Variants in NUP93 observed in about 807,000 individuals in gnomAD.
The protein encoded by NUP93 is nuclear pore complex protein Nup93.
Under a neutral mutation model 107.8 loss-of-function variants are expected in NUP93, and 55 were observed. The observed-to-expected ratio is 0.51, with a 90% CI of 0.41 to 0.64. The LOEUF (loss-of-function observed/expected upper bound fraction) is 0.64. Ranked by LOEUF, NUP93 falls within the 30% of genes least tolerant of loss-of-function variation. The probability of loss-of-function intolerance (pLI) is 0.00; values close to 1 mark genes in which losing one functional copy is unlikely to be tolerated. For missense variants in NUP93, 937 were observed against 1,044.7 expected (o/e 0.90, Z 1.42); for synonymous variants, 390 against 397.5 (o/e 0.98, Z 0.22).
intron 7 of NUP93, among the ~76,000 whole-genome samples, chr16:56,822,562 T>C (rs376004398): frequency 2.6e-5 from 1 of 38,966 alleles, no homozygotes; most frequent in Admixed American, 3.8e-4. Flanking sequence ...TTCTTTTCTT[T>C]TCTTTTTTTT....
At chr16:56,838,294 C>A (rs1963953768) in intron 18 of NUP93, among the ~76,000 whole-genome samples, 1 of 152,198 alleles carries the variant, frequency 6.6e-6, no homozygotes, top group African/African-American at 2.4e-5. Context: ...AAAGAACATT[C>A]TTTGGTAAAT....
chr16:56,751,865 C>G (rs766804277), intron 2 of NUP93, among the ~76,000 whole-genome samples: 7 of 152,282 alleles, frequency 4.6e-5, no homozygotes, highest in Non-Finnish European at 7.4e-5. Flanking sequence ...GGCAGGGAAC[C>G]TTCCAAGGAT....
At chr16:56,775,137 G>A (rs1962394006) in intron 3 of NUP93, among the ~76,000 whole-genome samples, 1 of 152,048 alleles carries the variant, frequency 6.6e-6, no homozygotes, top group Admixed American at 6.6e-5. Flanking sequence ...CTGAGCTCAA[G>A]CGATCCACCT....
chr16:56,835,788 A>G (rs1963896520), intron 16 of NUP93, among the ~76,000 whole-genome samples: 1 of 152,012 alleles, frequency 6.6e-6, no homozygotes, highest in South Asian at 2.1e-4. Context: ...TGCTCTCCTG[A>G]CCATTTAGTT....
intron 6 of NUP93, among the ~76,000 whole-genome samples, chr16:56,820,740 A>C (rs1193191679): frequency 1.3e-5 from 2 of 152,334 alleles, no homozygotes; most frequent in South Asian, 4.1e-4. Context: ...ATGGGAGAGC[A>C]AAGACTTCAT....
intron 1 of NUP93, among the ~76,000 whole-genome samples, chr16:56,746,445 C>A (rs1242540151): frequency 6.6e-6 from 1 of 152,110 alleles, no homozygotes; most frequent in Non-Finnish European, 1.5e-5. Flanking sequence ...AAAAAAATTA[C>A]AATATTTGTT....
At chr16:56,836,207 TAGAA>T (rs1338512837) in intron 16 of NUP93, among the ~76,000 whole-genome samples, 4 of 152,178 alleles carry the variant, frequency 2.6e-5, no homozygotes, top group African/African-American at 9.6e-5. Flanking sequence ...CCATCTGTCT[TAGAA>T]AGCAAATCCA....
intron 5 of NUP93, among the ~76,000 whole-genome samples, chr16:56,806,847 T>C (rs1207018989): frequency 6.6e-6 from 1 of 152,172 alleles, no homozygotes; most frequent in African/African-American, 2.4e-5. Flanking sequence ...ATACAAGGGC[T>C]TGACTACCAG....
chr16:56,841,936 C>T (rs1211658695), intron 21 of NUP93, 103 bp downstream of exon 21: 12 of 1,384,766 alleles, frequency 8.7e-6, no homozygotes, highest in South Asian at 2.8e-5. Flanking sequence ...TGCTCTTTCT[C>T]CTCAGTACCT....
rs754276167 is a variant in NUP93, at chr16:56,833,268, T to C, written c.1399T>C (p.Phe467Leu). 2 of 1,607,302 alleles carry C rather than the reference T, an allele frequency of 1.2e-6. No individual in the cohort carries two copies. Among genetic ancestry groups the C allele is most frequent in the East Asian group, 4.5e-5 (2 of 44,438 alleles). Residue 467 changes from phenylalanine to leucine, a missense_variant, in exon 13 of 22, where the codon TTC (phenylalanine) becomes CTC (leucine). Physicochemically the swap from Phe to Leu is conservative, Grantham distance 22. Coordinates refer to ENST00000308159, the MANE Select transcript of NUP93 (RefSeq NM_014669.5). Reference sequence around the variant, plus strand: ...ACCCTTCCTCTACTTCCAAGTCCTGTTCCTGACAGCGCAGTTTGAAGCAGC... The same window carrying C: ...ACCCTTCCTCTACTTCCAAGTCCTGCTCCTGACAGCGCAGTTTGAAGCAGC... Reference protein sequence around the residue: ...QQPFLYFQVLFLTAQFEAAVA... With the variant: ...QQPFLYFQVLLLTAQFEAAVA...
rs747289514 is a variant in NUP93 at position 56,844,468 on chromosome 16, ATTTC to A, written c.2350-30_2350-27del. ...AGTGCCCTGACTCGAAAGTTAACCGATTTCCTTCCCTTCCTTCCCTTCTCTCTCA... is the reference window on the plus strand; with the variant it reads ...AGTGCCCTGACTCGAAAGTTAACCGACTTCCCTTCCTTCCCTTCTCTCTCA... On this transcript the variant is annotated intron_variant, in intron 21 of 21. Transcript: ENST00000308159. The A allele has an allele frequency of 2.6e-5, 34 of 1,331,964 alleles. No individual in the cohort carries two copies. The South Asian group carries it at 6.1e-4, about 24-fold the overall frequency. The allele number at this position is 1,331,964 out of a possible 1,614,324, so 82.5% of individuals were successfully genotyped here.
chr16:56,748,104 T>A (rs1479571047), intron 1 of NUP93, 130 bp from the exon 2 acceptor site: 1 of 575,808 alleles, frequency 1.7e-6, no homozygotes, highest in Non-Finnish European at 3.0e-6. Context: ...AAATCCTGCT[T>A]GTTGATGAGC....
intron 5 of NUP93, among the ~76,000 whole-genome samples, chr16:56,807,980 G>A (rs1267096910): frequency 3.4e-5 from 5 of 149,012 alleles, no homozygotes; most frequent in Admixed American, 6.8e-5. Context: ...CTGAGATCCC[G>A]CCACTGCACT....
chr16:56,770,786 G>A (rs551789400), intron 3 of NUP93, among the ~76,000 whole-genome samples: 8 of 152,216 alleles, frequency 5.3e-5, no homozygotes, highest in African/African-American at 7.2e-5. Flanking sequence ...CTCATAGGCC[G>A]GGCGCAGTAG....
rs186808617 is a variant in NUP93 at position 56,750,268 on chromosome 16, A to T, written c.179+1842A>T. 4.8e-3 allele frequency among the ~76,000 whole-genome samples: 728 copies of T among 152,266 alleles called. 4 individuals are homozygous for T. Among genetic ancestry groups the T allele is most frequent in the African/African-American group, 0.017 (702 of 41,536 alleles). On this transcript the variant is annotated intron_variant, in intron 2 of 21. Transcript: ENST00000308159. ...GGGTGGGGCAGGTGCTTAAAAAGAA[A>T]CCAAAGGGCTGATGACTGTGTTTTT...
At chr16:56,741,711 G>T (rs372619412) in intron 1 of NUP93, 1 of 152,242 alleles carries the variant, frequency 6.6e-6, no homozygotes, top group South Asian at 2.1e-4. Context: ...TACTTTCTCT[G>T]ATGTATATAA....
Position 56,847,325 on chromosome 16 carries a change from G to A in NUP93, c.*2716G>A, listed in dbSNP as rs1275525280. Reference sequence around the variant, plus strand: ...CCCAGAAGTCCTGACCCTGTGACAGGTTATTATCTTAAAAACTCATCTTCA... The same window carrying A: ...CCCAGAAGTCCTGACCCTGTGACAGATTATTATCTTAAAAACTCATCTTCA... On this transcript the variant is annotated 3_prime_UTR_variant, in exon 22 of 22. Coordinates refer to ENST00000308159, the MANE Select transcript of NUP93 (RefSeq NM_014669.5). 1 of 152,144 alleles carries A rather than the reference G, an allele frequency of 6.6e-6. No individual in the cohort carries two copies. The highest frequency in any genetic ancestry group is 2.4e-5 in the African/African-American group (1 of 41,430). The allele number at this position is 152,144 out of a possible 1,614,324, so 9.4% of individuals were successfully genotyped here.
At chr16:56,775,111 G>C (rs1306738325) in intron 3 of NUP93, among the ~76,000 whole-genome samples, 1 of 151,990 alleles carries the variant, frequency 6.6e-6, no homozygotes, top group Non-Finnish European at 1.5e-5. Flanking sequence ...ATGTTGCCCA[G>C]GTTGGTCTCA....
intron 5 of NUP93, among the ~76,000 whole-genome samples, chr16:56,808,524 A>AAATATATAGTTACG (rs1963222826): frequency 1.6e-5 from 2 of 122,206 alleles, no homozygotes; most frequent in South Asian, 2.4e-4. Flanking sequence ...GTAACTATAT[A>AAATATATAGTTACG]TAAATATAGT....
Sources: allele counts gnomAD v4.1 joint callset (sites outside exome capture counted in the v4.1 genomes callset), GRCh38; gene constraint gnomAD v4.1.1; transcripts MANE v1.5; gene names NCBI Gene and HGNC (gene_info 2026-07-23, HGNC 2026-07-21).